GPATCH8: variants seen among roughly 807,000 people sequenced by gnomAD.
The protein encoded by GPATCH8 is G-patch domain containing 8, also known as G patch domain-containing protein 8.
A neutral mutation model predicts 118.3 loss-of-function variants in GPATCH8; 18 were observed. The observed-to-expected ratio is 0.15, with a 90% CI of 0.11 to 0.23. The LOEUF is 0.23. Among genes scored for constraint, GPATCH8 ranks in the 10% least tolerant of loss-of-function variants. GPATCH8 has a pLI of 1.00. For missense variants in GPATCH8, 1,631 were observed against 1,873.8 expected (o/e 0.87, Z 2.39); for synonymous variants, 659 against 684.7 (o/e 0.96, Z 0.59).
At chr17:44,432,054 T>G (rs2050335924) in intron 5 of GPATCH8, among the ~76,000 whole-genome samples, 1 of 151,704 alleles carries the variant, frequency 6.6e-6, no homozygotes, top group Non-Finnish European at 1.5e-5. Flanking sequence ...TGGGTTTTTT[T>G]TTTTTTTTTT....
intron 3 of GPATCH8, among the ~76,000 whole-genome samples, chr17:44,459,163 G>C (rs1349695999): frequency 6.6e-6 from 1 of 152,106 alleles, no homozygotes; most frequent in Non-Finnish European, 1.5e-5. Flanking sequence ...CAAAATTAGG[G>C]ATTTAGGGGC....
At chr17:44,480,054 G>A (rs1322944460) in intron 1 of GPATCH8, among the ~76,000 whole-genome samples, 1 of 151,610 alleles carries the variant, frequency 6.6e-6, no homozygotes, top group Non-Finnish European at 1.5e-5. Context: ...ACCAATGAAT[G>A]CTGAACAAAT....
chr17:44,488,083 C>G (rs566252623), intron 1 of GPATCH8, among the ~76,000 whole-genome samples: 1 of 150,224 alleles, frequency 6.7e-6, no homozygotes, highest in Non-Finnish European at 1.5e-5. Flanking sequence ...CCACCACATC[C>G]GGGCTAATTT....
At chr17:44,457,161 C>T (rs2051367656) in intron 3 of GPATCH8, among the ~76,000 whole-genome samples, 2 of 152,116 alleles carry the variant, frequency 1.3e-5, no homozygotes, top group South Asian at 2.1e-4. Context: ...CTGCAACTGG[C>T]CCAAATTTTA....
intron 1 of GPATCH8, among the ~76,000 whole-genome samples, chr17:44,476,266 A>C (rs1424263327): frequency 6.6e-6 from 1 of 151,808 alleles, no homozygotes; most frequent in East Asian, 1.9e-4. Flanking sequence ...GTGCAGTGTC[A>C]CAATCTCAGC....
chr17:44,419,789 T>G (rs2049827150), intron 6 of GPATCH8, among the ~76,000 whole-genome samples: 1 of 152,100 alleles, frequency 6.6e-6, no homozygotes, highest in Non-Finnish European at 1.5e-5. Flanking sequence ...GCCTCCTCAG[T>G]AGCTGGGATT....
At position 44,413,185 on chromosome 17, in the gene GPATCH8, C is replaced by A. The variant is rs569055863; in HGVS notation, c.493-7134G>T. ...ATTAATTTTATTCAGTAAGAAAAAA[C>A]CAAGTATTTGGTAAGAGAGAAAATT... On this transcript the variant is annotated intron_variant, in intron 6 of 7. Coordinates refer to ENST00000591680, the MANE Select transcript of GPATCH8 (RefSeq NM_001002909.4). Among the ~76,000 whole-genome samples the A allele has an allele frequency of 1.2e-3, 181 of 152,246 alleles. 1 individual carries two copies. The highest frequency in any genetic ancestry group is 3.8e-3 in the African/African-American group (157 of 41,524).
intron 5 of GPATCH8, among the ~76,000 whole-genome samples, chr17:44,427,696 G>A (rs1326561041): frequency 6.6e-6 from 1 of 152,052 alleles, no homozygotes; most frequent in African/African-American, 2.4e-5. Context: ...AATAGAAGTA[G>A]TGTACATAAT....
intron 2 of GPATCH8, among the ~76,000 whole-genome samples, chr17:44,467,626 A>C (rs1367136615): frequency 6.6e-6 from 1 of 152,208 alleles, no homozygotes; most frequent in East Asian, 1.9e-4. Flanking sequence ...TCCTAGGGTA[A>C]ATGAATGACC....
At chr17:44,434,747 T>C (rs747273288) in intron 5 of GPATCH8, among the ~76,000 whole-genome samples, 18 of 152,214 alleles carry the variant, frequency 1.2e-4, no homozygotes, top group Non-Finnish European at 1.9e-4. Flanking sequence ...GTGTGAGCCA[T>C]TGTGTCTGGC....
chr17:44,410,324 C>G (rs1276544436), intron 6 of GPATCH8, among the ~76,000 whole-genome samples: 1 of 152,154 alleles, frequency 6.6e-6, no homozygotes, highest in Non-Finnish European at 1.5e-5. Flanking sequence ...GAGAAACATG[C>G]CTGCCTATGA....
chr17:44,495,026 T>C (rs535215711), intron 1 of GPATCH8, among the ~76,000 whole-genome samples: 190 of 152,246 alleles, frequency 1.2e-3, no homozygotes, highest in African/African-American at 4.2e-3. Context: ...CCAGCTTAAA[T>C]GCTAACTTCT....
At chr17:44,434,672 T>C (rs984128617) in intron 5 of GPATCH8, among the ~76,000 whole-genome samples, 2 of 152,244 alleles carry the variant, frequency 1.3e-5, no homozygotes, top group African/African-American at 2.4e-5. Context: ...ACCCCGTCTC[T>C]ACTGAGTGTT....
chr17:44,489,350 GTTTTT>G (rs1258506322), intron 1 of GPATCH8, among the ~76,000 whole-genome samples: 1 of 140,414 alleles, frequency 7.1e-6, no homozygotes, highest in Non-Finnish European at 1.6e-5. Flanking sequence ...CCTCTTTTTT[GTTTTT>G]TTTTTTTGAG....
At chr17:44,430,686 A>G (rs1305874657) in intron 5 of GPATCH8, among the ~76,000 whole-genome samples, 1 of 151,852 alleles carries the variant, frequency 6.6e-6, no homozygotes, top group African/African-American at 2.4e-5. Context: ...TCTGTCGCCC[A>G]GGCTGGAGTG....
chr17:44,406,834 A>G (rs2049250966), intron 6 of GPATCH8, among the ~76,000 whole-genome samples: 1 of 152,224 alleles, frequency 6.6e-6, no homozygotes, highest in Non-Finnish European at 1.5e-5. Context: ...GCTACTGTAT[A>G]ATTTTCCTTA....
At chr17:44,483,176 A>AATATATAT (rs1163758356) in intron 1 of GPATCH8, among the ~76,000 whole-genome samples, 40 of 12,916 alleles carry the variant, frequency 3.1e-3, no homozygotes, top group Admixed American at 7.9e-3. Context: ...AAAAAAAAAA[A>AATATATAT]ATATATATAT....
intron 2 of GPATCH8, among the ~76,000 whole-genome samples, chr17:44,466,938 T>C (rs2051792047): frequency 6.6e-6 from 1 of 152,084 alleles, no homozygotes; most frequent in Non-Finnish European, 1.5e-5. Context: ...GTTGTTGTTG[T>C]TGTTTCTTTT....
At chr17:44,469,090 C>T (rs1484691208) in intron 2 of GPATCH8, among the ~76,000 whole-genome samples, 3 of 152,012 alleles carry the variant, frequency 2.0e-5, no homozygotes, top group African/African-American at 7.2e-5. Flanking sequence ...TTTTTTTCTC[C>T]CCCTATTTCT....
Sources: allele counts gnomAD v4.1 joint callset (sites outside exome capture counted in the v4.1 genomes callset), GRCh38; gene constraint gnomAD v4.1.1; transcripts MANE v1.5; gene names NCBI Gene and HGNC (gene_info 2026-07-23, HGNC 2026-07-21).